CSMD2: variants seen among roughly 807,000 people sequenced by gnomAD.
CSMD2 encodes CUB and Sushi multiple domains 2.
CSMD2 carries 130 observed loss-of-function variants against 398.5 expected under a neutral mutation model. The observed-to-expected ratio is 0.33, with a 90% CI of 0.28 to 0.38. The LOEUF (loss-of-function observed/expected upper bound fraction) is 0.38. Among genes scored for constraint, CSMD2 ranks in the 10% least tolerant of loss-of-function variants. The pLI is 1.00. For synonymous variants in CSMD2, 1,828 were observed against 1,908.5 expected, an observed-to-expected ratio of 0.96 and a Z score of 1.10; for missense variants, 3,829 against 4,764.9, an observed-to-expected ratio of 0.80 and a Z score of 5.78.
chr1:33,946,440 A>G (rs1008881501), intron 3 of CSMD2, among the ~76,000 whole-genome samples: 4 of 152,178 alleles, frequency 2.6e-5, no homozygotes, highest in Non-Finnish European at 4.4e-5. Flanking sequence ...GAACATGCAA[A>G]CAACTGTTTG....
At chr1:33,959,090 G>A (rs1236206608) in intron 3 of CSMD2, among the ~76,000 whole-genome samples, 1 of 152,092 alleles carries the variant, frequency 6.6e-6, no homozygotes, top group African/African-American at 2.4e-5. Flanking sequence ...TGCTTCCCTC[G>A]TGGTCACAGT....
intron 25 of CSMD2, among the ~76,000 whole-genome samples, chr1:33,672,630 G>C (rs542426439): frequency 1.3e-5 from 2 of 152,196 alleles, no homozygotes; most frequent in African/African-American, 4.8e-5. Context: ...CTCCCAGCAC[G>C]CAGCTTGAGA....
At chr1:33,618,414 T>C (rs1280875106) in intron 37 of CSMD2, among the ~76,000 whole-genome samples, 8 of 152,062 alleles carry the variant, frequency 5.3e-5, no homozygotes, top group African/African-American at 1.9e-4. Context: ...TTGAAGCAGG[T>C]CCTCATGGCC....
At chr1:33,620,806 CTTTTTTTTT>C (rs34986869) in intron 37 of CSMD2, among the ~76,000 whole-genome samples, 4 of 91,946 alleles carry the variant, frequency 4.4e-5, no homozygotes, top group South Asian at 3.9e-4. Flanking sequence ...TGTCCTGGGT[CTTTTTTTTT>C]TTTTTTTTTT....
intron 3 of CSMD2, among the ~76,000 whole-genome samples, chr1:33,956,861 C>T (rs77091414): frequency 0.065 from 9,835 of 152,074 alleles, 405 homozygotes; most frequent in East Asian, 0.15. Flanking sequence ...CCCTGCTTAA[C>T]ACCCCCCTAA....
At chr1:33,561,632 A>T (rs868200386) in intron 53 of CSMD2, among the ~76,000 whole-genome samples, 3 of 152,252 alleles carry the variant, frequency 2.0e-5, no homozygotes, top group Non-Finnish European at 4.4e-5. Context: ...CGGCTGTTAA[A>T]CCCAGTGGGC....
At position 33,617,554 on chromosome 1, in the gene CSMD2, C is replaced by A; in HGVS notation, c.5891G>T (p.Arg1964Leu). 1 of 1,614,114 alleles carries A rather than the reference C, an allele frequency of 6.2e-7. No individual in the cohort carries two copies. Among genetic ancestry groups the A allele is most frequent in the Non-Finnish European group, 8.5e-7 (1 of 1,180,006 alleles). ...VPSNGVKTGERYLVNDVVSFQ... is the reference protein window; with the variant it reads ...VPSNGVKTGELYLVNDVVSFQ... ...AGACACCACATCATTCACCAAGTAG[C>A]GCTCGCCAGTCTTCACCCCGTTACT... Residue 1964 changes from arginine (R) to leucine (L), a missense_variant, in exon 38 of 71, where the codon CGC (arginine) becomes CTC (leucine). Coordinates refer to ENST00000373381, the MANE Select transcript of CSMD2 (RefSeq NM_001281956.2).
At chr1:33,707,689 GCGCGCGCA>G (rs1377529096) in intron 22 of CSMD2, among the ~76,000 whole-genome samples, 3,586 of 126,382 alleles carry the variant, frequency 0.028, 83 homozygotes, top group South Asian at 0.068. Flanking sequence ...GCACACGCGC[GCGCGCGCA>G]CACACACACA....
chr1:33,918,130 A>G lies in CSMD2; in HGVS notation c.884T>C (p.Phe295Ser). Residue 295 changes from phenylalanine (F) to serine (S), a missense_variant, in exon 5 of 71, where the codon TTT (phenylalanine) becomes TCT (serine). Physicochemically the swap from Phe to Ser is radical, Grantham distance 155. Coordinates refer to ENST00000373381, the MANE Select transcript of CSMD2 (RefSeq NM_001281956.2). ...GCCTTCTGTCCCAGTGACTTCCAGA[A>G]AGTCGTAACCATCCTCCAGCTGGAA... ...IDFQLEDGYDFLEVTGTEGSS... is the reference protein window; with the variant it reads ...IDFQLEDGYDSLEVTGTEGSS... 6.2e-7 allele frequency: 1 copy of G among 1,614,058 alleles called. No individual in the cohort carries two copies.
At chr1:34,108,399 C>T (rs1660730871) in intron 1 of CSMD2, among the ~76,000 whole-genome samples, 1 of 152,130 alleles carries the variant, frequency 6.6e-6, no homozygotes, top group African/African-American at 2.4e-5. Flanking sequence ...CACTTATGGC[C>T]CCTGCCCCTC....
intron 4 of CSMD2, among the ~76,000 whole-genome samples, chr1:33,927,178 G>A (rs545477103): frequency 6.6e-6 from 1 of 152,296 alleles, no homozygotes; most frequent in East Asian, 1.9e-4. Context: ...GAATGGTTTC[G>A]TGTGCCTAAA....
chr1:33,585,803 C>A (rs761883596), intron 46 of CSMD2, among the ~76,000 whole-genome samples: 4 of 152,226 alleles, frequency 2.6e-5, no homozygotes, highest in Non-Finnish European at 4.4e-5. Flanking sequence ...GTTCTAGAAA[C>A]AGTAGTCGCA....
At chr1:33,839,070 G>C (rs1205483136) in intron 6 of CSMD2, 1 of 152,214 alleles carries the variant, frequency 6.6e-6, no homozygotes, top group Non-Finnish European at 1.5e-5. Flanking sequence ...TATCATTTCT[G>C]ATGTAATCAC....
At chr1:33,670,652 G>C (rs1644466115) in intron 25 of CSMD2, among the ~76,000 whole-genome samples, 1 of 152,170 alleles carries the variant, frequency 6.6e-6, no homozygotes, top group Non-Finnish European at 1.5e-5. Context: ...CTGGGATACT[G>C]CAACCATGGT....
At chr1:33,754,846 G>A (rs143231324) in intron 13 of CSMD2, among the ~76,000 whole-genome samples, 1 of 152,252 alleles carries the variant, frequency 6.6e-6, no homozygotes, top group Non-Finnish European at 1.5e-5. Context: ...GCGAGGATGG[G>A]TGTTGGTCTG....
At chr1:33,583,486 C>T (rs1367515537) in intron 47 of CSMD2, among the ~76,000 whole-genome samples, 156 bp downstream of exon 47, 1 of 152,190 alleles carries the variant, frequency 6.6e-6, no homozygotes, top group Non-Finnish European at 1.5e-5. Context: ...TGCCACCCCT[C>T]AGGTCCCATG....
chr1:34,155,385 A>C (rs12145664), intron 1 of CSMD2, among the ~76,000 whole-genome samples: 37,660 of 152,032 alleles, frequency 0.25, 5,421 homozygotes, highest in South Asian at 0.39. Context: ...CTCTTGCTAT[A>C]GTTAAAGGCC....
chr1:33,758,136 C>T (rs753012364), intron 13 of CSMD2, among the ~76,000 whole-genome samples: 1 of 152,336 alleles, frequency 6.6e-6, no homozygotes, highest in South Asian at 2.1e-4. Context: ...TCTCCCCACC[C>T]TCCCCTATTG....
intron 9 of CSMD2, 28 bp downstream of exon 9, chr1:33,819,685 C>A: frequency 6.2e-7 from 1 of 1,608,010 alleles, no homozygotes; most frequent in East Asian, 2.2e-5. Context: ...ACTCTCTGGC[C>A]AGCCTCCCTT....
Sources: gnomAD v4.1 joint callset for allele counts (sites outside exome capture counted in the v4.1 genomes callset) on GRCh38, gnomAD v4.1.1 for gene constraint, MANE v1.5 for transcripts, NCBI Gene and HGNC (gene_info 2026-07-23, HGNC 2026-07-21) for gene names.